CNBD2: variants seen among roughly 807,000 people sequenced by gnomAD.
CNBD2 encodes cyclic nucleotide binding domain containing 2.
In CNBD2, 64 loss-of-function variants were observed where a neutral mutation model predicts 63.7. The observed-to-expected ratio is 1.00, with a 90% confidence interval of 0.82 to 1.24. The LOEUF is 1.24. Among genes scored for constraint, CNBD2 ranks in the 50% most tolerant of loss-of-function variants. CNBD2 has a pLI of 0.00. For synonymous variants in CNBD2, 229 were observed against 255.4 expected, an observed-to-expected ratio of 0.90 and a Z score of 0.99; for missense variants, 691 against 713.5, an observed-to-expected ratio of 0.97 and a Z score of 0.36.
chr20:35,987,383 C>T lies in CNBD2; in HGVS notation c.717-12C>T. On this transcript the variant is annotated splice_polypyrimidine_tract_variant and intron_variant, in intron 6 of 11. Coordinates refer to ENST00000373973, the MANE Select transcript of CNBD2 (RefSeq NM_001365709.1). ...GATGGAGTTGATGAATTCTAACAGG[C>T]TCTTCCCACAGGAAGATGGAGCTGT... 2 of 1,613,810 alleles carry T rather than the reference C, an allele frequency of 1.2e-6. No homozygotes were observed. The highest frequency in any genetic ancestry group is 1.7e-6 in the Non-Finnish European group (2 of 1,179,850).
At chr20:36,002,926 G>A (rs1434502180) in intron 8 of CNBD2, among the ~76,000 whole-genome samples, 1 of 151,654 alleles carries the variant, frequency 6.6e-6, no homozygotes, top group East Asian at 1.9e-4. Context: ...ATTGCAACAT[G>A]TATATTGGAT....
chr20:35,987,603 T>C, intron 7 of CNBD2, 70 bp downstream of exon 7: 1 of 1,548,464 alleles, frequency 6.5e-7, no homozygotes, highest in Non-Finnish European at 8.8e-7. Flanking sequence ...TCCTGTGACC[T>C]GATGGTCAGA....
intron 6 of CNBD2, among the ~76,000 whole-genome samples, chr20:35,985,713 C>A (rs113372895): frequency 6.6e-6 from 1 of 152,232 alleles, no homozygotes; most frequent in East Asian, 1.9e-4. Flanking sequence ...GTGTTGAACT[C>A]CTGGCCTCAA....
intron 8 of CNBD2, among the ~76,000 whole-genome samples, chr20:36,005,440 A>C (rs2056971144): frequency 6.6e-6 from 1 of 152,212 alleles, no homozygotes; most frequent in Admixed American, 6.5e-5. Flanking sequence ...CCTGCTGTAC[A>C]GCCTCATTCC....
At chr20:35,969,473 C>G (rs2147191710) in intron 1 of CNBD2, among the ~76,000 whole-genome samples, 1 of 147,618 alleles carries the variant, frequency 6.8e-6, no homozygotes, top group East Asian at 2.0e-4. Flanking sequence ...TAATAGTAAC[C>G]ACTTTCCTGA....
In CNBD2 at chr20:35,984,022, G is replaced by A. The variant is rs779252038; in HGVS notation, c.448G>A (p.Gly150Ser). Residue 150 changes from glycine to serine, a missense_variant, in exon 5 of 12, where the codon GGC (glycine) becomes AGC (serine). Coordinates refer to ENST00000373973, the MANE Select transcript of CNBD2 (RefSeq NM_001365709.1). ...RRVIIKKGQK[G>S]NSFYFIYLGT... Reference sequence around the variant, plus strand: ...TGTGATCATCAAGAAGGGGCAGAAGGGCAACAGCTTTTATTTCATCTACCT... The same window carrying A: ...TGTGATCATCAAGAAGGGGCAGAAGAGCAACAGCTTTTATTTCATCTACCT... 2 of 1,614,186 alleles carry A rather than the reference G, an allele frequency of 1.2e-6. No homozygotes were observed. Among genetic ancestry groups the A allele is most frequent in the African/African-American group, 1.3e-5 (1 of 75,056 alleles).
chr20:35,995,768 C>A (rs190925516), intron 8 of CNBD2, among the ~76,000 whole-genome samples: 22 of 152,180 alleles, frequency 1.4e-4, no homozygotes, highest in Admixed American at 8.5e-4. Context: ...TTTTTCAGTT[C>A]TCTTGGGTAT....
intron 6 of CNBD2, among the ~76,000 whole-genome samples, chr20:35,986,314 C>T (rs899782744): frequency 2.0e-5 from 3 of 151,816 alleles, no homozygotes; most frequent in African/African-American, 7.3e-5. Flanking sequence ...GGGATTTAGT[C>T]CTAAAGGGAG....
At chr20:36,001,578 G>C (rs1453820212) in intron 8 of CNBD2, among the ~76,000 whole-genome samples, 1 of 151,492 alleles carries the variant, frequency 6.6e-6, no homozygotes, top group Non-Finnish European at 1.5e-5. Context: ...CTGCCGGGCG[G>C]AGGGGCTCCT....
At chr20:35,992,849 G>C (rs963174359) in intron 7 of CNBD2, among the ~76,000 whole-genome samples, 2 of 147,972 alleles carry the variant, frequency 1.4e-5, no homozygotes, top group Admixed American at 1.4e-4. Context: ...CGTTTTTTGA[G>C]TGTTCATCTC....
At chr20:36,025,651 T>A (rs1197377820) in intron 11 of CNBD2, among the ~76,000 whole-genome samples, 2 of 151,920 alleles carry the variant, frequency 1.3e-5, no homozygotes, top group Non-Finnish European at 2.9e-5. Flanking sequence ...GATAATTTTT[T>A]TTTTACTTTT....
intron 11 of CNBD2, among the ~76,000 whole-genome samples, 161 bp downstream of exon 11, chr20:36,023,932 A>G (rs2147372350): frequency 6.6e-6 from 1 of 152,162 alleles, no homozygotes; most frequent in East Asian, 1.9e-4. Flanking sequence ...CCTTTTGATA[A>G]TAATTTTAGC....
intron 2 of CNBD2, among the ~76,000 whole-genome samples, chr20:35,975,154 A>T (rs2056487389): frequency 7.6e-6 from 1 of 132,330 alleles, no homozygotes; most frequent in Admixed American, 7.5e-5. Flanking sequence ...GGCGCCCGCT[A>T]CCACGCCCGG....
chr20:35,958,584 A>T (rs974734669), downstream of CNBD2, among the ~76,000 whole-genome samples: 1 of 152,224 alleles, frequency 6.6e-6, no homozygotes, highest in African/African-American at 2.4e-5. Flanking sequence ...CAGGAAATTG[A>T]CATTGGTACA....
At chr20:35,969,585 A>G (rs531948811) in intron 1 of CNBD2, among the ~76,000 whole-genome samples, 2 of 152,152 alleles carry the variant, frequency 1.3e-5, no homozygotes, top group East Asian at 3.9e-4. Flanking sequence ...AAATGATACC[A>G]TAAATAGCAT....
At chr20:35,968,533 C>T (rs1337490955), upstream of CNBD2, 3 of 447,310 alleles carry the variant, frequency 6.7e-6, no homozygotes, top group East Asian at 1.3e-4. Context: ...TCCCTGTGTC[C>T]CCTGCCTCCA....
upstream of CNBD2, chr20:35,954,580 A>G (rs1374204947): frequency 6.1e-5 from 88 of 1,440,268 alleles, no homozygotes; most frequent in Non-Finnish European, 8.1e-5. Context: ...CTCGAGTCGC[A>G]TGAGGCGGCT....
At chr20:35,968,346 T>C (rs183373947), upstream of CNBD2, among the ~76,000 whole-genome samples, 1 of 152,344 alleles carries the variant, frequency 6.6e-6, no homozygotes, top group East Asian at 1.9e-4. Context: ...TCCTAGATCC[T>C]GTTTTGGTCA....
intron 3 of CNBD2, among the ~76,000 whole-genome samples, chr20:35,976,885 A>G (rs1224555387): frequency 1.3e-5 from 2 of 152,152 alleles, no homozygotes; most frequent in African/African-American, 4.8e-5. Flanking sequence ...TATAATGGGT[A>G]TCAGGGCCAC....
Sources: allele counts gnomAD v4.1 joint callset (sites outside exome capture counted in the v4.1 genomes callset), GRCh38; gene constraint gnomAD v4.1.1; transcripts MANE v1.5; gene names NCBI Gene and HGNC (gene_info 2026-07-23, HGNC 2026-07-21).